MCTP1: variants seen among roughly 807,000 people sequenced by gnomAD.
MCTP1 encodes multiple C2 and transmembrane domain-containing protein 1.
A neutral mutation model predicts 120.6 loss-of-function variants in MCTP1; 69 were observed. The ratio of observed to expected loss-of-function variants is 0.57; its 90% confidence interval spans 0.47 to 0.70. MCTP1 has a LOEUF of 0.70. Ranked by LOEUF, MCTP1 falls within the 30% of genes least tolerant of loss-of-function variation. MCTP1 has a pLI of 0.00. For synonymous variants in MCTP1, 529 were observed against 493.1 expected, an observed-to-expected ratio of 1.07 and a Z score of -0.96; for missense variants, 1,203 against 1,248.8, an observed-to-expected ratio of 0.96 and a Z score of 0.55.
intron 1 of MCTP1, among the ~76,000 whole-genome samples, chr5:95,248,553 A>G (rs1406833129): frequency 2.6e-5 from 4 of 152,222 alleles, no homozygotes; most frequent in Admixed American, 2.0e-4. Flanking sequence ...TTCCATGCTC[A>G]TGGATAGGAA....
chr5:95,057,038 G>A (rs1315794516), intron 1 of MCTP1, among the ~76,000 whole-genome samples: 1 of 151,772 alleles, frequency 6.6e-6, no homozygotes. Context: ...GATTAAAAGG[G>A]GATTGAAAAA....
chr5:94,776,767 T>C (rs1775434268), intron 19 of MCTP1, among the ~76,000 whole-genome samples: 1 of 152,172 alleles, frequency 6.6e-6, no homozygotes, highest in African/African-American at 2.4e-5. Context: ...ACACAAACTT[T>C]AAATAAAGGA....
chr5:94,703,919 G>GTGAC lies in MCTP1; in HGVS notation c.*3573_*3576dup, dbSNP rs1753979528. On this transcript the variant is annotated 3_prime_UTR_variant, in exon 23 of 23. Coordinates refer to ENST00000515393, the MANE Select transcript of MCTP1 (RefSeq NM_024717.7). ...GCCATTCAGCTGAAGTAAATCTTAT[G>GTGAC]TGACTGCCTCTATTCAAATTGCCAC... 1 of 150,334 alleles carries GTGAC rather than the reference G, an allele frequency of 6.7e-6. No individual in the cohort carries two copies. The highest frequency in any genetic ancestry group is 2.1e-4 in the South Asian group (1 of 4,806). 9.3% of individuals were successfully genotyped at this position (150,334 alleles called of 1,614,324 possible).
chr5:95,152,509 T>TA (rs1184379452), intron 1 of MCTP1, among the ~76,000 whole-genome samples: 1 of 152,216 alleles, frequency 6.6e-6, no homozygotes, highest in Non-Finnish European at 1.5e-5. Context: ...TAGGAAATGT[T>TA]ACCAGATATG....
intron 6 of MCTP1, among the ~76,000 whole-genome samples, chr5:94,930,334 C>A (rs1814336643): frequency 7.8e-6 from 1 of 128,514 alleles, no homozygotes; most frequent in Non-Finnish European, 1.5e-5. Context: ...AGTGAAATGG[C>A]ATGATCTCTG....
At chr5:95,141,575 T>C (rs1048885982) in intron 1 of MCTP1, among the ~76,000 whole-genome samples, 67 of 152,342 alleles carry the variant, frequency 4.4e-4, no homozygotes, top group South Asian at 2.7e-3. Context: ...TTTTGTTACC[T>C]GATACCGAAG....
chr5:94,727,879 A>AT (rs1762422653), intron 19 of MCTP1, among the ~76,000 whole-genome samples: 1 of 149,382 alleles, frequency 6.7e-6, no homozygotes. Context: ...CCTCCTTAAG[A>AT]TAATAGAGTT....
At chr5:94,764,828 C>CAAAAAAAAAAAAA (rs57246943) in intron 19 of MCTP1, among the ~76,000 whole-genome samples, 7 of 90,958 alleles carry the variant, frequency 7.7e-5, no homozygotes, top group African/African-American at 7.9e-5. Flanking sequence ...TGACCTGGAC[C>CAAAAAAAAAAAAA]AAAAAAAAAA....
intron 19 of MCTP1, among the ~76,000 whole-genome samples, chr5:94,745,183 G>A (rs1378474890): frequency 6.6e-6 from 1 of 152,216 alleles, no homozygotes; most frequent in African/African-American, 2.4e-5. Context: ...TTGAGGACTT[G>A]CTTAATAATG....
chr5:94,890,129 G>A (rs1322188334), intron 11 of MCTP1, among the ~76,000 whole-genome samples: 2 of 152,018 alleles, frequency 1.3e-5, no homozygotes, highest in Non-Finnish European at 2.9e-5. Flanking sequence ...CTCCTGAGTG[G>A]CTAGAACTAC....
intron 7 of MCTP1, among the ~76,000 whole-genome samples, chr5:94,919,432 C>T (rs1161722358): frequency 6.6e-6 from 1 of 152,074 alleles, no homozygotes; most frequent in African/African-American, 2.4e-5. Context: ...CACAGTTAAA[C>T]CAATCCCCTT....
intron 1 of MCTP1, among the ~76,000 whole-genome samples, chr5:95,032,643 G>T (rs1425818643): frequency 6.6e-6 from 1 of 151,776 alleles, no homozygotes; most frequent in Non-Finnish European, 1.5e-5. Context: ...AGATACAAAG[G>T]TCCCCAATTA....
chr5:94,734,785 A>C (rs1346411353), intron 19 of MCTP1, among the ~76,000 whole-genome samples: 1 of 152,204 alleles, frequency 6.6e-6, no homozygotes, highest in African/African-American at 2.4e-5. Context: ...TTAAGGCACA[A>C]ATAGTAGCAT....
intron 1 of MCTP1, among the ~76,000 whole-genome samples, chr5:95,135,066 G>C (rs1447979394): frequency 2.7e-5 from 3 of 109,310 alleles, no homozygotes; most frequent in African/African-American, 1.0e-4. Context: ...AAAAAGGTCA[G>C]ATTCAGATAC....
chr5:95,006,533 G>A (rs1252149515), intron 2 of MCTP1, among the ~76,000 whole-genome samples: 1 of 152,096 alleles, frequency 6.6e-6, no homozygotes, highest in East Asian at 1.9e-4. Flanking sequence ...GGTAAAACAA[G>A]GCTATACCTG....
rs139008193 is a variant in MCTP1 at position 94,729,345 on chromosome 5, G to A, written c.2611-14459C>T. ...TGTGGCAGGAGTGGCACCATGGAGC[G>A]GGTGCTTGGCAGTACAATATTTGGG... is the stretch of plus-strand genomic sequence containing the variant. On this transcript the variant is annotated intron_variant, in intron 19 of 22. Coordinates refer to ENST00000515393, the MANE Select transcript of MCTP1 (RefSeq NM_024717.7). Among the ~76,000 whole-genome samples the A allele has an allele frequency of 3.5e-4, 53 of 152,240 alleles. 1 individual carries two copies. The East Asian group carries it at 6.8e-3, about 19-fold the overall frequency.
chr5:94,785,800 T>C (rs1261975373), intron 18 of MCTP1, among the ~76,000 whole-genome samples: 12 of 152,094 alleles, frequency 7.9e-5, no homozygotes, highest in Admixed American at 7.9e-4. Flanking sequence ...AAAATTTCTG[T>C]AAAGCAAGAA....
At chr5:94,713,761 C>G (rs1757976987) in intron 20 of MCTP1, among the ~76,000 whole-genome samples, 1 of 152,016 alleles carries the variant, frequency 6.6e-6, no homozygotes, top group African/African-American at 2.4e-5. Flanking sequence ...AAACTCAGCA[C>G]CTAGACATGT....
intron 17 of MCTP1, among the ~76,000 whole-genome samples, chr5:94,803,187 A>T (rs1381250431): frequency 6.6e-6 from 1 of 152,220 alleles, no homozygotes; most frequent in Non-Finnish European, 1.5e-5. Context: ...TAATCATTAT[A>T]TGGCTGTTGT....
Sources: gnomAD v4.1 joint callset for allele counts (sites outside exome capture counted in the v4.1 genomes callset) on GRCh38, gnomAD v4.1.1 for gene constraint, MANE v1.5 for transcripts, NCBI Gene and HGNC (gene_info 2026-07-23, HGNC 2026-07-21) for gene names.